The following D2HGDH variants were observed in gnomAD, a reference collection of about 807,000 sequenced individuals.
The protein encoded by D2HGDH is D-2-hydroxyglutarate dehydrogenase, mitochondrial.
Under a neutral mutation model 46.9 loss-of-function variants are expected in D2HGDH, and 31 were observed. The observed-to-expected ratio is 0.66, with a 90% CI of 0.50 to 0.89. The LOEUF (loss-of-function observed/expected upper bound fraction) is 0.89. Ranked by LOEUF, D2HGDH falls within the 40% of genes least tolerant of loss-of-function variation. The probability of loss-of-function intolerance (pLI) is 0.00; values close to 1 mark genes in which losing one functional copy is unlikely to be tolerated. For synonymous variants in D2HGDH, 364 were observed against 332.6 expected (o/e 1.09, Z -1.03); for missense variants, 698 against 720.8 (o/e 0.97, Z 0.36).
intron 3 of D2HGDH, among the ~76,000 whole-genome samples, 163 bp downstream of exon 3, chr2:241,741,253 T>C (rs980429060): frequency 2.6e-5 from 4 of 152,216 alleles, no homozygotes; most frequent in Non-Finnish European, 5.9e-5. Flanking sequence ...GCTATCTCAA[T>C]GCATCTGTGG....
intron 1 of D2HGDH, 126 bp downstream of exon 1, chr2:241,734,821 A>C: frequency 1.2e-5 from 2 of 173,796 alleles, no homozygotes; most frequent in Non-Finnish European, 2.4e-5. Context: ...GGGGAGGGGG[A>C]CGGCGCTGCA....
At chr2:241,744,108 G>T (rs1420340807) in intron 5 of D2HGDH, among the ~76,000 whole-genome samples, 1 of 152,182 alleles carries the variant, frequency 6.6e-6, no homozygotes, top group Non-Finnish European at 1.5e-5. Flanking sequence ...TCTGGGAGCC[G>T]GGTGTGAAGG....
At chr2:241,750,783 C>T (rs544785609) in intron 7 of D2HGDH, among the ~76,000 whole-genome samples, 1 of 152,200 alleles carries the variant, frequency 6.6e-6, no homozygotes, top group South Asian at 2.1e-4. Flanking sequence ...TCAAACCATT[C>T]TCCTGCCTCA....
At position 241,767,866 on chromosome 2, in the gene D2HGDH, A is replaced by G; in HGVS notation, c.1463A>G (p.Tyr488Cys). The change falls in exon 10 of 10, where the codon TAC becomes TGC. Residue 488 changes from tyrosine (Y) to cysteine (C), a missense_variant. Tyr to Cys is a radical substitution (Grantham distance 194). Coordinates refer to ENST00000321264, the MANE Select transcript of D2HGDH (RefSeq NM_152783.5). ...TTCAGGAAGAGGGACGTCCTGGGCT[A>G]CAGCAAGCCACCGGGGGCCCTGCAG... Reference protein sequence around the residue: ...VGFRKRDVLGYSKPPGALQLM... With the variant: ...VGFRKRDVLGCSKPPGALQLM... The G allele has an allele frequency of 6.2e-7, 1 of 1,610,308 alleles. No homozygotes were observed. The highest frequency in any genetic ancestry group is 1.3e-5 in the African/African-American group (1 of 74,940).
At chr2:241,756,543 C>T (rs183710591) in intron 9 of D2HGDH, among the ~76,000 whole-genome samples, 106 of 152,114 alleles carry the variant, frequency 7.0e-4, no homozygotes, top group Admixed American at 1.6e-3. Flanking sequence ...TTTTTTGAGA[C>T]GCAGTTTCAC....
intron 6 of D2HGDH, 93 bp from the exon 7 acceptor site, chr2:241,750,058 C>G: frequency 6.3e-7 from 1 of 1,594,966 alleles, no homozygotes; most frequent in South Asian, 1.1e-5. Context: ...CACCCACCCA[C>G]ATGAGTCGGG....
In D2HGDH at chr2:241,755,520, A is replaced by T. The variant is rs542364050; in HGVS notation, c.1141-329A>T. The T allele has an allele frequency of 8.8e-6, 12 of 1,364,544 alleles. No individual in the cohort carries two copies. The Admixed American group carries it at 2.7e-4, about 30-fold the overall frequency. The allele number at this position is 1,364,544 out of a possible 1,614,324, so 84.5% of individuals were successfully genotyped here. ...CCGTCATGGCTGTCCCCCTTCTGTG[A>T]GGTGTCCCAGCCGCCTGATTGCCGG... On this transcript the variant is annotated intron_variant, in intron 8 of 9. Coordinates refer to ENST00000321264, the MANE Select transcript of D2HGDH (RefSeq NM_152783.5).
intron 2 of D2HGDH, among the ~76,000 whole-genome samples, chr2:241,740,334 G>A (rs1694092824): frequency 2.0e-5 from 3 of 152,170 alleles, no homozygotes; most frequent in Admixed American, 2.0e-4. Context: ...AAGGAAGTGT[G>A]GTGGCGTGGC....
rs545595081 is a variant in D2HGDH at position 241,755,496 on chromosome 2, C to T, written c.1141-353C>T. 1.6e-4 allele frequency: 212 copies of T among 1,339,526 alleles called. No individual in the cohort carries two copies. In the African/African-American group the frequency reaches 2.8e-3, roughly 18 times the overall value. 83.0% of individuals were successfully genotyped at this position (1,339,526 alleles called of 1,614,324 possible). A position where few individuals can be genotyped will look rare whatever the true frequency, so the allele number is the denominator to read the frequency against. The stretch of plus-strand genomic sequence containing the variant: ...GCTGCAGGTGGGCGCCTCCCCCTTC[C>T]GTCATGGCTGTCCCCCTTCTGTGAG... On this transcript the variant is annotated intron_variant, in intron 8 of 9. Transcript: ENST00000321264.
rs150788595 is a variant in D2HGDH at position 241,755,937 on chromosome 2, G to A, written c.1229G>A (p.Arg410Gln). The A allele has an allele frequency of 1.8e-5, 29 of 1,612,124 alleles. No individual in the cohort carries two copies. Among genetic ancestry groups the A allele is most frequent in the African/African-American group, 1.1e-4 (8 of 74,922 alleles). Residue 410 changes from arginine to glutamine, a missense_variant, in exon 9 of 10, where the codon CGG becomes CAG. By Grantham distance (43) the Arg-to-Gln change is conservative (BLOSUM62 1). Coordinates refer to ENST00000321264, the MANE Select transcript of D2HGDH (RefSeq NM_152783.5). The part of the protein sequence containing the change: ...YKYDLSLPVE[R>Q]LYDIVTDLRA... Reference sequence around the variant, plus strand: ...TACGACCTCTCCCTCCCTGTGGAGCGGCTCTACGACATCGTGACTGACCTG... The same window carrying A: ...TACGACCTCTCCCTCCCTGTGGAGCAGCTCTACGACATCGTGACTGACCTG...
chr2:241,761,069 C>T (rs183808805), intron 9 of D2HGDH, among the ~76,000 whole-genome samples: 6 of 152,298 alleles, frequency 3.9e-5, no homozygotes, highest in African/African-American at 9.6e-5. Context: ...CTTTGGCTGT[C>T]GTTTACCCCC....
intron 3 of D2HGDH, among the ~76,000 whole-genome samples, chr2:241,741,770 A>AGGGTTTATTTCATGTGTGGGG (rs1694521607): frequency 4.3e-3 from 193 of 45,000 alleles, no homozygotes; most frequent in Middle Eastern, 0.02. Context: ...CATGTGTGGG[A>AGGGTTTATTTCATGTGTGGGG]CTTGCTGTCT....
intron 2 of D2HGDH, among the ~76,000 whole-genome samples, chr2:241,736,896 G>C (rs866550536): frequency 1.3e-5 from 2 of 151,242 alleles, no homozygotes; most frequent in Admixed American, 6.6e-5. Flanking sequence ...CCTGACTTCG[G>C]GTGATCCACT....
At chr2:241,749,400 G>A in intron 6 of D2HGDH, 3 of 1,258,288 alleles carry the variant, frequency 2.4e-6, no homozygotes, top group Non-Finnish European at 2.1e-6. Flanking sequence ...GCCCTGAAAG[G>A]TGGGCACGGG....
intron 9 of D2HGDH, among the ~76,000 whole-genome samples, chr2:241,760,104 CCAAT>C (rs1257219497): frequency 7.7e-6 from 1 of 130,020 alleles, no homozygotes; most frequent in Non-Finnish European, 1.6e-5. Flanking sequence ...TGGGCCTTAC[CCAAT>C]CAGTCGAAGG....
In D2HGDH at chr2:241,742,098, C is replaced by T. The variant is rs558328393; in HGVS notation, c.351-337C>T. Reference sequence around the variant, plus strand: ...AGGGTGGAAGGCAGTGGGGGCAGTGCGGTCGAGGAACCCTGAGCTGGACCC... The same window carrying T: ...AGGGTGGAAGGCAGTGGGGGCAGTGTGGTCGAGGAACCCTGAGCTGGACCC... On this transcript the variant is annotated intron_variant, in intron 3 of 9. Coordinates refer to ENST00000321264, the MANE Select transcript of D2HGDH (RefSeq NM_152783.5). This position sits in a 1 kb window ranked among gnomAD's most constrained non-coding sequence, Gnocchi z 4.8. Among the ~76,000 whole-genome samples the T allele has an allele frequency of 8.5e-5, 13 of 152,142 alleles. No individual in the cohort carries two copies. The East Asian group carries it at 2.5e-3, about 29-fold the overall frequency.
chr2:241,745,695 G>A (rs948512961), intron 6 of D2HGDH, among the ~76,000 whole-genome samples: 8 of 152,162 alleles, frequency 5.3e-5, no homozygotes, highest in Admixed American at 1.3e-4. Flanking sequence ...CCGATCTTCT[G>A]TCTGGGATTA....
intron 9 of D2HGDH, among the ~76,000 whole-genome samples, chr2:241,762,006 C>G (rs143975382): frequency 9.9e-5 from 15 of 151,538 alleles, no homozygotes; most frequent in Admixed American, 5.9e-4. Flanking sequence ...CAGTTCAGGG[C>G]AGTTCCCTTC....
intron 3 of D2HGDH, among the ~76,000 whole-genome samples, chr2:241,741,702 G>T (rs1001254882): frequency 7.1e-6 from 1 of 141,420 alleles, no homozygotes; most frequent in Non-Finnish European, 1.5e-5. Context: ...CATGTATGGG[G>T]CTTGCTGTCT....
Sources: allele counts gnomAD v4.1 joint callset (sites outside exome capture counted in the v4.1 genomes callset), GRCh38; gene constraint gnomAD v4.1.1; non-coding constraint Gnocchi (gnomAD v3.1); transcripts MANE v1.5; gene names NCBI Gene and HGNC (gene_info 2026-07-23, HGNC 2026-07-21).